The following PITRM1 variants were observed in gnomAD, a reference collection of about 807,000 sequenced individuals.
PITRM1 encodes the protein presequence protease, mitochondrial.
PITRM1 carries 100 observed loss-of-function variants against 129.9 expected under a neutral mutation model. The ratio of observed to expected loss-of-function variants is 0.77; its 90% CI spans 0.65 to 0.91. The LOEUF is 0.91. PITRM1 is among the 40% of genes least tolerant of loss of function. The pLI, the probability that PITRM1 is intolerant of heterozygous loss-of-function variation, is 0.00. For missense variants in PITRM1, 1,471 were observed against 1,318.3 expected (o/e 1.12, Z -1.79); for synonymous variants, 591 against 508.8 (o/e 1.16, Z -2.17).
In PITRM1 at chr10:3,159,003, C is replaced by G. The variant is rs1363490025; in HGVS notation, c.1047G>C (p.Leu349=). The G allele has an allele frequency of 1.9e-6, 3 of 1,612,392 alleles. No homozygotes were observed. The highest frequency in any genetic ancestry group is 4.5e-5 in the East Asian group (2 of 44,836). The change falls in exon 10 of 27, where the codon CTG becomes CTC. Residue 349 remains leucine, a synonymous_variant. Transcript: ENST00000224949. ...TGGGCCCAGAAGTCAAGAGTGAAGA[C>G]AGAAGACTTAATGTGAAGGCTTCAA... ...DTFEAFTLSL[L]SSLLTSGPNS... is the part of the protein sequence containing the mutation.
intron 14 of PITRM1, among the ~76,000 whole-genome samples, chr10:3,154,801 TCTCTCCCGTGGC>T (rs967712544): frequency 2.0e-5 from 3 of 152,050 alleles, no homozygotes; most frequent in Admixed American, 2.0e-4. Context: ...TGGGTCCCCT[TCTCTCCCGTGGC>T]CTCCTCCCTT....
chr10:3,161,607 G>A (rs973004508), intron 7 of PITRM1, among the ~76,000 whole-genome samples: 1 of 151,240 alleles, frequency 6.6e-6, no homozygotes, highest in Non-Finnish European at 1.5e-5. Context: ...ACAGAAATCA[G>A]AGCTCCCTGG....
In PITRM1 at chr10:3,167,312, C is replaced by T. The variant is rs562239380; in HGVS notation, c.160-270G>A. Among the ~76,000 whole-genome samples, 137 of 152,106 alleles carry T rather than the reference C, an allele frequency of 9.0e-4. 3 individuals are homozygous for T. In the South Asian group the frequency reaches 0.02, roughly 23 times the overall value. ...GCGAGCGAGCGAGCGAGCGCGAGAG[C>T]GCACGCGCTTACTACTGGCTAGGTA... is the stretch of plus-strand genomic sequence containing the variant. On this transcript the variant is annotated intron_variant, in intron 2 of 26. Coordinates refer to ENST00000224949, the MANE Select transcript of PITRM1 (RefSeq NM_014889.4).
At chr10:3,158,831 G>C in intron 10 of PITRM1, 83 bp downstream of exon 10, 2 of 1,274,562 alleles carry the variant, frequency 1.6e-6, no homozygotes, top group Non-Finnish European at 2.2e-6. Context: ...TCAAGTGTGG[G>C]GCCGGGACAG....
chr10:3,166,775 T>C (rs898681071), intron 3 of PITRM1, among the ~76,000 whole-genome samples, 161 bp downstream of exon 3: 4 of 152,234 alleles, frequency 2.6e-5, no homozygotes, highest in Non-Finnish European at 4.4e-5. Flanking sequence ...GTCCTTTATT[T>C]ATTATTTTTA....
At chr10:3,147,869 G>A in intron 18 of PITRM1, 118 bp downstream of exon 18, 1 of 1,176,922 alleles carries the variant, frequency 8.5e-7, no homozygotes, top group East Asian at 2.4e-5. Flanking sequence ...TGAACTACAA[G>A]TAAAAGTCAG....
intron 8 of PITRM1, 46 bp downstream of exon 8, chr10:3,160,158 G>C: frequency 6.2e-7 from 1 of 1,602,716 alleles, no homozygotes; most frequent in Non-Finnish European, 8.5e-7. Context: ...AAGTCCTCAT[G>C]TCAACATATT....
At chr10:3,150,320 A>G (rs1841383376) in intron 15 of PITRM1, among the ~76,000 whole-genome samples, 1 of 152,192 alleles carries the variant, frequency 6.6e-6, no homozygotes, top group African/African-American at 2.4e-5. Context: ...CTCTTAGCAA[A>G]CACTTAATGA....
chr10:3,144,608 G>T (rs1840653761), intron 21 of PITRM1, among the ~76,000 whole-genome samples: 2 of 152,168 alleles, frequency 1.3e-5, no homozygotes, highest in African/African-American at 2.4e-5. Context: ...TCTGAGACCA[G>T]CCTGGGCAAT....
At chr10:3,164,847 G>A (rs1842731032) in intron 6 of PITRM1, among the ~76,000 whole-genome samples, 1 of 152,226 alleles carries the variant, frequency 6.6e-6, no homozygotes, top group South Asian at 2.1e-4. Context: ...GTCTGGCTCA[G>A]AGGTGAAGCT....
At chr10:3,143,856 G>T in intron 22 of PITRM1, 6 of 555,072 alleles carry the variant, frequency 1.1e-5, no homozygotes, top group Middle Eastern at 2.8e-4. Flanking sequence ...TATATCATAG[G>T]AATGTGTTAA....
rs772180150 is a variant in PITRM1 at position 3,143,541 on chromosome 10, T to C, written c.2533-40A>G. 5.1e-6 allele frequency: 7 copies of C among 1,379,470 alleles called. No homozygotes were observed. In the African/African-American group the frequency reaches 5.7e-5, roughly 11 times the overall value. The allele number at this position is 1,379,470 out of a possible 1,614,324, so 85.5% of individuals were successfully genotyped here. A position where few individuals can be genotyped will look rare whatever the true frequency, so the allele number is the denominator to read the frequency against. On this transcript the variant is annotated intron_variant, in intron 22 of 26. Transcript: ENST00000224949. The stretch of plus-strand genomic sequence containing the variant: ...ATGGTCAGAGGCGGCTGTGCTGCCA[T>C]GCACCGCCCACGGCACTGGGACTGG...
Position 3,166,324 on chromosome 10 carries a change from T to C in PITRM1, c.323A>G (p.His108Arg). ...TTTCTGAGACCCACAAAGGACGGTA[T>C]GCTCAAGAATGTGAGGAACACCAGT... ...DSTGVPHILE[H>R]TVLCGSQKYP... Residue 108 changes from histidine (H) to arginine (R), a missense_variant, in exon 4 of 27, where the codon CAT (histidine) becomes CGT (arginine). Transcript: ENST00000224949. 1 of 1,612,876 alleles carries C rather than the reference T, an allele frequency of 6.2e-7. No individual in the cohort carries two copies. Among genetic ancestry groups the C allele is most frequent in the Non-Finnish European group, 8.5e-7 (1 of 1,178,872 alleles).
chr10:3,167,094 G>A lies in PITRM1; in HGVS notation c.160-52C>T, dbSNP rs1008363112. 43 of 1,072,882 alleles carry A rather than the reference G, an allele frequency of 4.0e-5. 1 individual carries two copies. The Middle Eastern group carries it at 6.0e-4, about 15-fold the overall frequency. The allele number at this position is 1,072,882 out of a possible 1,614,324, so 66.5% of individuals were successfully genotyped here. Reference sequence around the variant, plus strand: ...GTTAAACTTAGACAAAATGGCCTTTGAAATGGTTATGTTCGACACACTGAG... The same window carrying A: ...GTTAAACTTAGACAAAATGGCCTTTAAAATGGTTATGTTCGACACACTGAG... On this transcript the variant is annotated intron_variant, in intron 2 of 26. Coordinates refer to ENST00000224949, the MANE Select transcript of PITRM1 (RefSeq NM_014889.4).
intron 12 of PITRM1, 142 bp from the exon 13 acceptor site, chr10:3,157,206 C>T: frequency 2.3e-6 from 2 of 852,394 alleles, no homozygotes; most frequent in South Asian, 2.1e-5. Context: ...TCATGTAATT[C>T]TTTGGATGGA....
At chr10:3,172,658 C>T in intron 1 of PITRM1, 59 bp downstream of exon 1, 2 of 1,484,516 alleles carry the variant, frequency 1.3e-6, no homozygotes, top group Non-Finnish European at 1.8e-6. Context: ...TCCGGCCTGC[C>T]CTGGACCCTC....
chr10:3,165,171 T>C, intron 6 of PITRM1, 67 bp downstream of exon 6: 1 of 1,065,650 alleles, frequency 9.4e-7, no homozygotes, highest in Non-Finnish European at 1.4e-6. Flanking sequence ...TCCAGATGTG[T>C]CTATATCATG....
chr10:3,149,875 GT>G, intron 15 of PITRM1, 122 bp from the exon 16 acceptor site: 1 of 1,010,908 alleles, frequency 9.9e-7, no homozygotes, highest in Non-Finnish European at 1.5e-6. Context: ...TTATACTAGA[GT>G]TTATATAAAT....
intron 15 of PITRM1, 71 bp downstream of exon 15, chr10:3,151,176 T>C: frequency 1.2e-6 from 1 of 829,028 alleles, no homozygotes; most frequent in South Asian, 1.4e-5. Flanking sequence ...ACTCTACTGC[T>C]TCTGTGAGGA....
Sources: gnomAD v4.1 joint callset for allele counts (sites outside exome capture counted in the v4.1 genomes callset) on GRCh38, gnomAD v4.1.1 for gene constraint, MANE v1.5 for transcripts, NCBI Gene and HGNC (gene_info 2026-07-23, HGNC 2026-07-21) for gene names.